The following RGS7 variants were observed in gnomAD, a reference collection of about 807,000 sequenced individuals.
RGS7 encodes the protein regulator of G-protein signaling 7.
A neutral mutation model predicts 81.1 loss-of-function variants in RGS7; 27 were observed. That is an observed-to-expected ratio of 0.33 (90% CI 0.25 to 0.46). The LOEUF (loss-of-function observed/expected upper bound fraction) is 0.46. RGS7 is among the 20% of genes least tolerant of loss of function. The pLI is 1.00. For missense variants in RGS7, 396 were observed against 607.4 expected (o/e 0.65, Z 3.66); for synonymous variants, 208 against 207.7 (o/e 1.00, Z -0.01).
At chr1:240,793,328 T>C (rs1428662009) in intron 18 of RGS7, among the ~76,000 whole-genome samples, 1 of 152,034 alleles carries the variant, frequency 6.6e-6, no homozygotes, top group African/African-American at 2.4e-5. Context: ...CACCAATCGA[T>C]TTACATCATG....
intron 2 of RGS7, among the ~76,000 whole-genome samples, chr1:241,112,384 T>G (rs541598911): frequency 6.6e-6 from 1 of 152,236 alleles, no homozygotes; most frequent in Non-Finnish European, 1.5e-5. Flanking sequence ...TTTGCCTGGG[T>G]CCATCCAGCT....
At position 241,235,626 on chromosome 1, in the gene RGS7, C is replaced by CCCT. The variant is rs1171535920; in HGVS notation, c.78+120072_78+120073insAGG. Among the ~76,000 whole-genome samples, 926 of 131,582 alleles carry CCCT rather than the reference C, an allele frequency of 7.0e-3. 8 individuals are homozygous for CCCT. The highest frequency in any genetic ancestry group is 0.011 in the Non-Finnish European group (658 of 59,730). 86.3% of individuals were successfully genotyped at this position (131,582 alleles called of 152,430 possible). A position where few individuals can be genotyped will look rare whatever the true frequency, so the allele number is the denominator to read the frequency against. On this transcript the variant is annotated intron_variant, in intron 2 of 18. Coordinates refer to ENST00000440928, the MANE Select transcript of RGS7 (RefSeq NM_001364886.1). The stretch of plus-strand genomic sequence containing the variant: ...ATTTTTCTTTCTTCCTTTCCCTTTT[C>CCCT]TCTCTTTTTTCTTTTTTCTCATTCT...
Position 241,020,232 on chromosome 1 carries a change from G to A in RGS7, c.176-37103C>T, listed in dbSNP as rs148911692. The stretch of plus-strand genomic sequence containing the variant: ...CAGTGCTATTTGTCTAATAAAACAC[G>A]CATGTATTCATTTCCTAGGGCTGTC... On this transcript the variant is annotated intron_variant, in intron 3 of 18. Coordinates refer to ENST00000440928, the MANE Select transcript of RGS7 (RefSeq NM_001364886.1). Among the ~76,000 whole-genome samples, 581 of 152,248 alleles carry A rather than the reference G, an allele frequency of 3.8e-3. 3 individuals carry two copies. Among genetic ancestry groups the A allele is most frequent in the African/African-American group, 0.013 (534 of 41,560 alleles).
At chr1:241,326,121 C>T (rs1385076373) in intron 2 of RGS7, among the ~76,000 whole-genome samples, 1 of 152,190 alleles carries the variant, frequency 6.6e-6, no homozygotes, top group Non-Finnish European at 1.5e-5. Context: ...ATTCCCCCGC[C>T]TAGGATGTGT....
At chr1:241,065,641 G>T (rs75061217) in intron 3 of RGS7, among the ~76,000 whole-genome samples, 1 of 152,234 alleles carries the variant, frequency 6.6e-6, no homozygotes, top group South Asian at 2.1e-4. Context: ...AAATAAAAAA[G>T]TGTTTCTCCT....
intron 3 of RGS7, among the ~76,000 whole-genome samples, chr1:241,076,030 C>T (rs889808389): frequency 6.6e-6 from 1 of 152,194 alleles, no homozygotes; most frequent in Admixed American, 6.5e-5. Context: ...TGGCAATTTT[C>T]AGGTTCCAAC....
At chr1:241,122,154 A>G (rs763407808) in intron 2 of RGS7, among the ~76,000 whole-genome samples, 3 of 152,198 alleles carry the variant, frequency 2.0e-5, no homozygotes, top group Non-Finnish European at 4.4e-5. Context: ...AAGTAATTCA[A>G]CCCTTGGCAC....
Position 240,920,158 on chromosome 1 carries a change from T to G in RGS7, c.385+10559A>C. The G allele has an allele frequency of 4.1e-6, 4 of 977,912 alleles. No homozygotes were observed. In the South Asian group the frequency reaches 5.1e-5, roughly 12 times the overall value. The allele number at this position is 977,912 out of a possible 1,614,324, so 60.6% of individuals were successfully genotyped here. A position where few individuals can be genotyped will look rare whatever the true frequency, so the allele number is the denominator to read the frequency against. ...ACGGTCATTCAGAAATACCACACTG[T>G]GAATGGCCACAACTGTGAAGTTAGG... On this transcript the variant is annotated intron_variant, in intron 6 of 18. Coordinates refer to ENST00000440928, the MANE Select transcript of RGS7 (RefSeq NM_001364886.1).
At chr1:241,061,275 T>C (rs982108948) in intron 3 of RGS7, among the ~76,000 whole-genome samples, 2 of 152,316 alleles carry the variant, frequency 1.3e-5, no homozygotes, top group Non-Finnish European at 2.9e-5. Flanking sequence ...GAAATAAACA[T>C]GCGTTTGAGT....
intron 4 of RGS7, among the ~76,000 whole-genome samples, chr1:240,972,336 C>T (rs1052887022): frequency 6.6e-6 from 1 of 150,694 alleles, no homozygotes; most frequent in African/African-American, 2.4e-5. Context: ...GAAAATGTGG[C>T]ACATATACAC....
intron 2 of RGS7, among the ~76,000 whole-genome samples, chr1:241,245,468 T>C (rs574535788): frequency 4.0e-5 from 6 of 150,272 alleles, no homozygotes; most frequent in African/African-American, 1.2e-4. Flanking sequence ...CAGAACCATA[T>C]GCCAATTAAA....
At chr1:241,153,596 T>C (rs1446312018) in intron 2 of RGS7, among the ~76,000 whole-genome samples, 1 of 152,276 alleles carries the variant, frequency 6.6e-6, no homozygotes, top group Admixed American at 6.5e-5. Context: ...ACCACCTGTG[T>C]TGGGGCAGGT....
chr1:240,939,689 A>C (rs1677235878), intron 4 of RGS7, among the ~76,000 whole-genome samples: 1 of 152,164 alleles, frequency 6.6e-6, no homozygotes. Context: ...GCAAGCCATA[A>C]AGATTCCTCT....
intron 3 of RGS7, among the ~76,000 whole-genome samples, chr1:241,085,330 T>C (rs1426929197): frequency 6.6e-6 from 1 of 152,180 alleles, no homozygotes; most frequent in Non-Finnish European, 1.5e-5. Flanking sequence ...GGGGCAGTGG[T>C]GGTGGATATT....
chr1:241,228,970 G>A (rs2148046696), intron 2 of RGS7, among the ~76,000 whole-genome samples: 1 of 151,898 alleles, frequency 6.6e-6, no homozygotes, highest in African/African-American at 2.4e-5. Flanking sequence ...AATGCTAATA[G>A]CAGCAGCAGC....
chr1:241,349,607 GGGCAAAT>G (rs1252041575), intron 2 of RGS7, among the ~76,000 whole-genome samples: 7 of 152,166 alleles, frequency 4.6e-5, no homozygotes, highest in Non-Finnish European at 1.0e-4. Context: ...GCATGGCTGT[GGGCAAAT>G]GGCAGAAAGA....
At chr1:241,047,863 C>G (rs961375003) in intron 3 of RGS7, among the ~76,000 whole-genome samples, 9 of 151,810 alleles carry the variant, frequency 5.9e-5, no homozygotes, top group African/African-American at 1.5e-4. Context: ...TCTCAGCCCC[C>G]CTAGTAGCTG....
intron 2 of RGS7, among the ~76,000 whole-genome samples, chr1:241,347,242 G>A (rs1160015517): frequency 1.3e-5 from 2 of 152,126 alleles, no homozygotes; most frequent in African/African-American, 4.8e-5. Flanking sequence ...AGCAGAGGAA[G>A]ACTTGGTCAG....
chr1:240,919,867 A>G (rs772223748), intron 6 of RGS7: 40 of 889,216 alleles, frequency 4.5e-5, no homozygotes, highest in Non-Finnish European at 7.3e-5. Context: ...GTGGCCATGA[A>G]TGGAAGGCCA....
Sources: allele counts gnomAD v4.1 joint callset (sites outside exome capture counted in the v4.1 genomes callset), GRCh38; gene constraint gnomAD v4.1.1; transcripts MANE v1.5; gene names NCBI Gene and HGNC (gene_info 2026-07-23, HGNC 2026-07-21).